Variants in CDCP2 observed in about 807,000 individuals in gnomAD.
CDCP2 encodes the protein CUB domain-containing protein 2.
CDCP2 carries 31 observed loss-of-function variants against 31.0 expected under a neutral mutation model. The ratio of observed to expected loss-of-function variants is 1.00; its 90% confidence interval spans 0.75 to 1.35. The LOEUF (loss-of-function observed/expected upper bound fraction) is 1.35. CDCP2 is among the 40% of genes most tolerant of loss of function. The probability of loss-of-function intolerance (pLI) is 0.00; values close to 1 mark genes in which losing one functional copy is unlikely to be tolerated. For missense variants in CDCP2, 443 were observed against 482.6 expected, an observed-to-expected ratio of 0.92 and a Z score of 0.77; for synonymous variants, 206 against 207.9, an observed-to-expected ratio of 0.99 and a Z score of 0.08.
chr1:54,141,008 G>T, intron 3 of CDCP2, 90 bp downstream of exon 3: 1 of 1,101,848 alleles, frequency 9.1e-7, no homozygotes, highest in Non-Finnish European at 1.3e-6. Context: ...GCTGCGGGGG[G>T]CAGAAAGGTG....
chr1:54,149,865 T>A (rs1659547264), intron 1 of CDCP2, among the ~76,000 whole-genome samples: 1 of 152,174 alleles, frequency 6.6e-6, no homozygotes, highest in African/African-American at 2.4e-5. Context: ...AACAGCCCCA[T>A]GAACTAGGCA....
chr1:54,133,913 C>CAAACAAAACAA (rs748829165), intron 5 of CDCP2, among the ~76,000 whole-genome samples: 1 of 144,790 alleles, frequency 6.9e-6, no homozygotes, highest in Non-Finnish European at 1.5e-5. Flanking sequence ...AACAAACAAA[C>CAAACAAAACAA]AAAAAAAACC....
intron 3 of CDCP2, 74 bp downstream of exon 3, chr1:54,141,024 C>T (rs1659359508): frequency 1.6e-6 from 2 of 1,282,852 alleles, no homozygotes; most frequent in South Asian, 1.6e-5. Context: ...AGGTGTGACC[C>T]CTGCAAGTGT....
chr1:54,141,265 G>A (rs1391233473), exon 3 of CDCP2: 13 of 1,614,246 alleles, frequency 8.1e-6, no homozygotes, highest in Non-Finnish European at 1.1e-5. Context: ...GTAGTCATAG[G>A]TGCACTCTTC....
intron 5 of CDCP2, among the ~76,000 whole-genome samples, chr1:54,134,910 A>G (rs1317404382): frequency 6.6e-6 from 1 of 151,980 alleles, no homozygotes; most frequent in Non-Finnish European, 1.5e-5. Flanking sequence ...TAATTGTTGT[A>G]TTTTTAGTAG....
intron 1 of CDCP2, among the ~76,000 whole-genome samples, chr1:54,148,419 A>C: frequency 7.0e-6 from 1 of 143,016 alleles, no homozygotes; most frequent in East Asian, 2.1e-4. Flanking sequence ...AAAAAAAAAA[A>C]CTGAAAAAGT....
intron 4 of CDCP2, chr1:54,139,003 C>T (rs185984807): frequency 1.3e-5 from 2 of 156,106 alleles, no homozygotes; most frequent in Admixed American, 6.2e-5. Flanking sequence ...CTGAGAAAGC[C>T]AAATACCAGC....
chr1:54,149,567 G>A (rs1659539544), intron 1 of CDCP2, among the ~76,000 whole-genome samples: 1 of 152,200 alleles, frequency 6.6e-6, no homozygotes, highest in South Asian at 2.1e-4. Flanking sequence ...CACCTTCTCA[G>A]CGAGGCCTTC....
intron 5 of CDCP2, 146 bp from the exon 6 acceptor site, chr1:54,133,440 G>A (rs1659200041): frequency 2.5e-6 from 1 of 397,588 alleles, no homozygotes. Flanking sequence ...GATCCCATCT[G>A]TAAAAGGAGT....
chr1:54,139,483 G>C (rs755068247), intron 4 of CDCP2: 1 of 1,548,630 alleles, frequency 6.5e-7, no homozygotes. Context: ...GGCCCAGGGG[G>C]AAGGAACCAG....
At chr1:54,133,909 C>CAAACAAACAAAAAAAAAAGA (rs761868807) in intron 5 of CDCP2, among the ~76,000 whole-genome samples, 2 of 9,862 alleles carry the variant, frequency 2.0e-4, no homozygotes, top group African/African-American at 3.1e-4. Context: ...AACAAACAAA[C>CAAACAAACAAAAAAAAAAGA]AAACAAAAAA....
rs149717733 is a variant in CDCP2, at chr1:54,148,797, G to A, written c.80-3984C>T. 3.7e-4 allele frequency among the ~76,000 whole-genome samples: 56 copies of A among 151,414 alleles called. No homozygotes were observed. The East Asian group carries it at 8.3e-3, about 22-fold the overall frequency. On this transcript the variant is annotated intron_variant, in intron 1 of 5. Transcript: ENST00000530059. ...TGTAATCCCAGCACTTTGGGAGGCC[G>A]AGGCAGAAGGATCACCTGAGGCCAG...
intron 1 of CDCP2, among the ~76,000 whole-genome samples, chr1:54,147,331 A>G (rs1659492225): frequency 6.6e-6 from 1 of 151,862 alleles, no homozygotes; most frequent in Non-Finnish European, 1.5e-5. Flanking sequence ...ATAGAAATTT[A>G]ACATCTACTT....
At chr1:54,139,934 C>T in exon 4 of CDCP2, 1 of 1,614,220 alleles carries the variant, frequency 6.2e-7, no homozygotes. Context: ...AGTCACAGGT[C>T]TTGGTCAGGC....
chr1:54,137,322 G>A (rs1294404401), intron 4 of CDCP2, among the ~76,000 whole-genome samples: 2 of 152,058 alleles, frequency 1.3e-5, no homozygotes, highest in Non-Finnish European at 2.9e-5. Context: ...ATACACCCAC[G>A]TGTCAGCGTG....
At chr1:54,150,743 T>C (rs1056218149) in intron 1 of CDCP2, among the ~76,000 whole-genome samples, 2 of 152,250 alleles carry the variant, frequency 1.3e-5, no homozygotes, top group African/African-American at 4.8e-5. Context: ...GGCTACCTCC[T>C]GCCTCCCTGG....
chr1:54,143,077 T>A (rs1659401933), intron 2 of CDCP2: 1 of 152,250 alleles, frequency 6.6e-6, no homozygotes. Flanking sequence ...GGCTCACGCC[T>A]GTAATCCCAG....
Position 54,141,079 on chromosome 1 carries a change from G to A in CDCP2, c.763+19C>T. 2 of 1,512,588 alleles carry A rather than the reference G, an allele frequency of 1.3e-6. No individual in the cohort carries two copies. Among genetic ancestry groups the A allele is most frequent in the Non-Finnish European group, 1.8e-6 (2 of 1,130,490 alleles). The allele number at this position is 1,512,588 out of a possible 1,614,324, so 93.7% of individuals were successfully genotyped here. ...AGTAGGCACAGGAGGATTCAGGGTG[G>A]AGCGCCAGCCCCTCCTACCTGAGAA... On this transcript the variant is annotated intron_variant, in intron 3 of 5. Coordinates refer to ENST00000530059, the Ensembl canonical transcript of CDCP2.
chr1:54,139,444 G>T, intron 4 of CDCP2: 1 of 1,170,754 alleles, frequency 8.5e-7, no homozygotes. Context: ...TGGATACAGG[G>T]GACCAATAAC....
Sources: allele counts gnomAD v4.1 joint callset (sites outside exome capture counted in the v4.1 genomes callset), GRCh38; gene constraint gnomAD v4.1.1; transcripts MANE v1.5; gene names NCBI Gene and HGNC (gene_info 2026-07-23, HGNC 2026-07-21).